Variants in CEP112 observed in about 807,000 individuals in gnomAD.
CEP112 encodes centrosomal protein of 112 kDa.
A neutral mutation model predicts 153.0 loss-of-function variants in CEP112; 127 were observed. That is an observed-to-expected ratio of 0.83 (90% CI 0.72 to 0.96). CEP112 has a LOEUF of 0.96. Among genes scored for constraint, CEP112 ranks in the 40% least tolerant of loss-of-function variants. The probability of loss-of-function intolerance (pLI) is 0.00; values close to 1 mark genes in which losing one functional copy is unlikely to be tolerated. For missense variants in CEP112, 1,089 were observed against 1,101.2 expected, an observed-to-expected ratio of 0.99 and a Z score of 0.16; for synonymous variants, 358 against 374.4, an observed-to-expected ratio of 0.96 and a Z score of 0.51.
rs2068343852 is a variant in CEP112, at chr17:66,096,346, G to A, written c.691-18C>T. 2.5e-6 allele frequency: 4 copies of A among 1,604,574 alleles called. No homozygotes were observed. Among genetic ancestry groups the A allele is most frequent in the African/African-American group, 1.3e-5 (1 of 74,670 alleles). On this transcript the variant is annotated intron_variant, in intron 7 of 26. Coordinates refer to ENST00000535342, the MANE Select transcript of CEP112 (RefSeq NM_001199165.4). Reference sequence around the variant, plus strand: ...GGTGTCATCTGCTAAATGAACAGGAGTTATTTAACATGTTTTCAGATCTGG... The same window carrying A: ...GGTGTCATCTGCTAAATGAACAGGAATTATTTAACATGTTTTCAGATCTGG...
chr17:65,955,180 A>T (rs980488063), intron 18 of CEP112, among the ~76,000 whole-genome samples: 2 of 152,224 alleles, frequency 1.3e-5, no homozygotes, highest in Non-Finnish European at 2.9e-5. Context: ...CAGAAACCCT[A>T]AAAGCTGGCA....
At chr17:65,987,147 G>A (rs2063439133) in intron 17 of CEP112, among the ~76,000 whole-genome samples, 2 of 152,042 alleles carry the variant, frequency 1.3e-5, no homozygotes, top group South Asian at 2.1e-4. Flanking sequence ...AAAAGTATGA[G>A]GAATCGTAAA....
At chr17:65,987,746 G>A (rs1411444232) in intron 17 of CEP112, among the ~76,000 whole-genome samples, 1 of 152,188 alleles carries the variant, frequency 6.6e-6, no homozygotes, top group Non-Finnish European at 1.5e-5. Context: ...TCTGAGCAGA[G>A]AGTAGGAGAA....
chr17:65,735,154 TA>T lies in CEP112; in HGVS notation c.2607+7913del, dbSNP rs373048943. ...TGGTGGTATTAGTTTTCCAAAATTCTAATTTTGGCTTGAAAGCTTAAATTTT... is the reference window on the plus strand; with the variant it reads ...TGGTGGTATTAGTTTTCCAAAATTCTATTTTGGCTTGAAAGCTTAAATTTT... On this transcript the variant is annotated intron_variant, in intron 23 of 26. Transcript: ENST00000535342. Among the ~76,000 whole-genome samples, 58 of 152,358 alleles carry T rather than the reference TA, an allele frequency of 3.8e-4. 1 individual carries two copies. Among genetic ancestry groups the T allele is most frequent in the African/African-American group, 1.3e-3 (55 of 41,596 alleles).
At position 65,700,173 on chromosome 17, in the gene CEP112, C is replaced by G. The variant is rs535334677; in HGVS notation, c.2608-10955G>C. ...CCTAACTAGGTTCTTACCTCTCTAGCCTTCTTTCTATACACTGTGTCCTTC... is the reference window on the plus strand; with the variant it reads ...CCTAACTAGGTTCTTACCTCTCTAGGCTTCTTTCTATACACTGTGTCCTTC... On this transcript the variant is annotated intron_variant, in intron 23 of 26. Coordinates refer to ENST00000535342, the MANE Select transcript of CEP112 (RefSeq NM_001199165.4). Among the ~76,000 whole-genome samples the G allele has an allele frequency of 2.0e-5, 3 of 151,748 alleles. No individual in the cohort carries two copies. In the East Asian group the frequency reaches 5.8e-4, roughly 29 times the overall value.
intron 20 of CEP112, among the ~76,000 whole-genome samples, chr17:65,854,690 T>G (rs182225665): frequency 6.6e-6 from 1 of 152,346 alleles, no homozygotes; most frequent in African/African-American, 2.4e-5. Flanking sequence ...AATTAGTTAT[T>G]TTTTCTTCAG....
chr17:66,174,586 T>A (rs982818747), intron 4 of CEP112, among the ~76,000 whole-genome samples: 5 of 152,186 alleles, frequency 3.3e-5, no homozygotes, highest in African/African-American at 1.2e-4. Flanking sequence ...ACCACAATAA[T>A]GGCCTTTTTG....
At chr17:66,030,524 A>C (rs1471742842) in intron 12 of CEP112, among the ~76,000 whole-genome samples, 1 of 152,204 alleles carries the variant, frequency 6.6e-6, no homozygotes, top group Non-Finnish European at 1.5e-5. Flanking sequence ...CTTATTTTTA[A>C]GTGTATAGGA....
intron 8 of CEP112, among the ~76,000 whole-genome samples, chr17:66,072,870 GA>G (rs1362853456): frequency 6.6e-6 from 1 of 152,038 alleles, no homozygotes; most frequent in African/African-American, 2.4e-5. Flanking sequence ...GATGCCTGAT[GA>G]AACATCAGGA....
At chr17:65,719,702 G>C (rs949469661) in intron 23 of CEP112, among the ~76,000 whole-genome samples, 8 of 152,226 alleles carry the variant, frequency 5.3e-5, no homozygotes, top group Non-Finnish European at 1.2e-4. Context: ...CAGAAGAAGG[G>C]AGAAGAAACA....
At chr17:65,951,987 T>C (rs1376258410) in intron 18 of CEP112, among the ~76,000 whole-genome samples, 1 of 152,220 alleles carries the variant, frequency 6.6e-6, no homozygotes, top group Admixed American at 6.5e-5. Flanking sequence ...GACCCATTAG[T>C]TATTTAAAAG....
intron 23 of CEP112, among the ~76,000 whole-genome samples, chr17:65,707,059 C>G (rs1373116163): frequency 6.6e-6 from 1 of 152,182 alleles, no homozygotes; most frequent in Non-Finnish European, 1.5e-5. Context: ...ATTTGGTCCA[C>G]TTCATGCCAT....
In CEP112 at chr17:66,129,743, T is replaced by TA. The variant is rs527903207; in HGVS notation, c.642+2dup. ...TATACATAAAGCAAATACTTTTTTT[T>TA]ACCCCAAGATTCCAACTATTAAGGC... On this transcript the variant is annotated splice_region_variant and intron_variant, in intron 6 of 26. Transcript: ENST00000535342. 2.3e-4 allele frequency: 371 copies of TA among 1,600,848 alleles called. No homozygotes were observed. The African/African-American group carries it at 4.4e-3, about 19-fold the overall frequency.
chr17:65,979,518 G>A (rs2063154806), intron 17 of CEP112, among the ~76,000 whole-genome samples: 1 of 152,168 alleles, frequency 6.6e-6, no homozygotes, highest in South Asian at 2.1e-4. Context: ...GAGATGACAG[G>A]TGTGAGGCCA....
At chr17:65,649,077 C>A (rs62065725) in intron 24 of CEP112, among the ~76,000 whole-genome samples, 2,912 of 95,662 alleles carry the variant, frequency 0.03, 79 homozygotes, top group African/African-American at 0.083. Flanking sequence ...CAAACAAACA[C>A]ACACACACAC....
Position 65,659,011 on chromosome 17 carries a change from G to A in CEP112, c.2698-17946C>T, listed in dbSNP as rs556754608. Among the ~76,000 whole-genome samples the A allele has an allele frequency of 1.3e-3, 61 of 46,240 alleles. 1 individual carries two copies. Among genetic ancestry groups the A allele is most frequent in the South Asian group, 3.7e-3 (5 of 1,350 alleles). 30.3% of individuals were successfully genotyped at this position (46,240 alleles called of 152,430 possible). On this transcript the variant is annotated intron_variant, in intron 24 of 26. Transcript: ENST00000535342. ...AGCCTGGGTGACAGAGCGAGACTCTGTCTCAAAAAAAAAAAAAAAAAAAAA... is the reference window on the plus strand; with the variant it reads ...AGCCTGGGTGACAGAGCGAGACTCTATCTCAAAAAAAAAAAAAAAAAAAAA...
At chr17:66,046,330 C>A (rs534201252) in intron 12 of CEP112, among the ~76,000 whole-genome samples, 6 of 152,246 alleles carry the variant, frequency 3.9e-5, no homozygotes, top group African/African-American at 1.4e-4. Context: ...GCGTGAGCCA[C>A]CACGCCCGGC....
At chr17:65,905,653 G>A (rs917115261) in intron 19 of CEP112, among the ~76,000 whole-genome samples, 22 of 152,214 alleles carry the variant, frequency 1.4e-4, no homozygotes, top group African/African-American at 5.3e-4. Context: ...TGCATGGCTG[G>A]GTACGGTGGC....
At chr17:65,727,073 T>C in intron 23 of CEP112, among the ~76,000 whole-genome samples, 1 of 152,188 alleles carries the variant, frequency 6.6e-6, no homozygotes, top group Admixed American at 6.5e-5. Flanking sequence ...CATACTGCCC[T>C]CCACAGAGGC....
Sources: allele counts gnomAD v4.1 joint callset (sites outside exome capture counted in the v4.1 genomes callset), GRCh38; gene constraint gnomAD v4.1.1; transcripts MANE v1.5; gene names NCBI Gene and HGNC (gene_info 2026-07-23, HGNC 2026-07-21).